The following TFAP2A variants were observed in gnomAD, a reference collection of about 807,000 sequenced individuals.
TFAP2A encodes transcription factor AP-2 alpha.
In TFAP2A, 7 loss-of-function variants were observed where a neutral mutation model predicts 41.5. The ratio of observed to expected loss-of-function variants is 0.17; its 90% CI spans 0.10 to 0.32. The LOEUF (loss-of-function observed/expected upper bound fraction) is 0.32, where lower values mean the gene tolerates loss of function less well. TFAP2A is among the 10% of genes least tolerant of loss of function. The pLI is 1.00. For synonymous variants in TFAP2A, 247 were observed against 242.8 expected (o/e 1.02, Z -0.16); for missense variants, 416 against 563.3 (o/e 0.74, Z 2.65).
intron 5 of TFAP2A, among the ~76,000 whole-genome samples, chr6:10,401,820 G>A (rs1248346395): frequency 6.6e-6 from 1 of 152,162 alleles, no homozygotes; most frequent in African/African-American, 2.4e-5. Flanking sequence ...AGTGGCTTCC[G>A]GTGGCAGTTA....
upstream of TFAP2A, chr6:10,415,087 A>T (rs1000280976): frequency 5.6e-6 from 8 of 1,427,016 alleles, no homozygotes; most frequent in Non-Finnish European, 7.5e-6. Flanking sequence ...CGGTGAGCGC[A>T]GGAGGAGGAG....
At chr6:10,400,378 C>A in intron 6 of TFAP2A, 70 bp downstream of exon 6, 1 of 1,607,370 alleles carries the variant, frequency 6.2e-7, no homozygotes, top group East Asian at 2.2e-5. Flanking sequence ...GAAGGAAGAG[C>A]AAAAACGATT....
chr6:10,398,782 C>A lies in TFAP2A; in HGVS notation c.1032-77G>T. 1.3e-6 allele frequency: 2 copies of A among 1,533,502 alleles called. No homozygotes were observed. The highest frequency in any genetic ancestry group is 1.8e-5 in the Admixed American group (1 of 56,844). 95.0% of individuals were successfully genotyped at this position (1,533,502 alleles called of 1,614,324 possible). On this transcript the variant is annotated intron_variant, in intron 6 of 6. Coordinates refer to ENST00000379613, the MANE Select transcript of TFAP2A (RefSeq NM_001372066.1). The surrounding 1 kb of genome is among the most constrained non-coding windows in gnomAD (Gnocchi z 5.3). Reference sequence around the variant, plus strand: ...CACTAGCAGCAAAGAGAAAACCTCCCTCCCTGCAGCTACCTCTGCCGGGAT... The same window carrying A: ...CACTAGCAGCAAAGAGAAAACCTCCATCCCTGCAGCTACCTCTGCCGGGAT...
chr6:10,405,649 A>C (rs1292292085), intron 3 of TFAP2A: 23 of 152,216 alleles, frequency 1.5e-4, no homozygotes, highest in Non-Finnish European at 2.9e-5. Context: ...GCACCAGTGT[A>C]ATTCAGATGC....
At position 10,398,598 on chromosome 6, in the gene TFAP2A, T is replaced by C; in HGVS notation, c.1139A>G (p.His380Arg). 1 of 1,614,084 alleles carries C rather than the reference T, an allele frequency of 6.2e-7. No individual in the cohort carries two copies. The highest frequency in any genetic ancestry group is 1.1e-5 in the South Asian group (1 of 91,088). ...LEPGIQSCLT[H>R]FNLISHGFGS... ...GAAGCCGTGGGAGATGAGGTTGAAGTGGGTCAAGCAGCTCTGGATGCCGGG... is the reference window on the plus strand; with the variant it reads ...GAAGCCGTGGGAGATGAGGTTGAAGCGGGTCAAGCAGCTCTGGATGCCGGG... Residue 380 changes from histidine to arginine, a missense_variant, in exon 7 of 7, where the codon CAC becomes CGC. Coordinates refer to ENST00000379613, the MANE Select transcript of TFAP2A (RefSeq NM_001372066.1). This position sits in a 1 kb window ranked among gnomAD's most constrained non-coding sequence, Gnocchi z 5.3.
chr6:10,418,621 G>A (rs1479888596), upstream of TFAP2A: 1 of 152,368 alleles, frequency 6.6e-6, no homozygotes, highest in African/African-American at 2.4e-5. Flanking sequence ...CCTTGGCCAG[G>A]GTCGGAATCC....
intron 4 of TFAP2A, among the ~76,000 whole-genome samples, chr6:10,403,917 T>C (rs898890408): frequency 2.0e-5 from 3 of 152,192 alleles, no homozygotes; most frequent in African/African-American, 4.8e-5. Context: ...CATCATCATA[T>C]GCAAACGCCT....
chr6:10,398,269 C>A lies in TFAP2A; in HGVS notation c.*148G>T. ...GGGCAGTCCCGGAGACTCGGGGGGA[C>A]CCAAGGGCAGCGGCGGCGGCGGCGG... On this transcript the variant is annotated 3_prime_UTR_variant, in exon 7 of 7. Coordinates refer to ENST00000379613, the MANE Select transcript of TFAP2A (RefSeq NM_001372066.1). The surrounding 1 kb of genome is among the most constrained non-coding windows in gnomAD (Gnocchi z 5.3). 6.4e-7 allele frequency: 1 copy of A among 1,559,316 alleles called. No homozygotes were observed. The highest frequency in any genetic ancestry group is 1.3e-5 in the African/African-American group (1 of 74,330).
At position 10,398,717 on chromosome 6, in the gene TFAP2A, G is replaced by A; in HGVS notation, c.1032-12C>T. 6.2e-7 allele frequency: 1 copy of A among 1,613,826 alleles called. No homozygotes were observed. The highest frequency in any genetic ancestry group is 8.5e-7 in the Non-Finnish European group (1 of 1,179,870). On this transcript the variant is annotated splice_polypyrimidine_tract_variant and intron_variant, in intron 6 of 6. Transcript: ENST00000379613. This position sits in a 1 kb window ranked among gnomAD's most constrained non-coding sequence, Gnocchi z 5.3. ...CTTTGCATATCTGTCTGCAGCACAA[G>A]TGGAGCAGAGAGAGAGACATAAGGC...
upstream of TFAP2A, among the ~76,000 whole-genome samples, chr6:10,417,772 G>T (rs1437216806): frequency 6.6e-6 from 1 of 152,032 alleles, no homozygotes; most frequent in Admixed American, 6.6e-5. Flanking sequence ...AAATCCGCTC[G>T]CCCCACCCGA....
intron 3 of TFAP2A, chr6:10,404,954 C>T (rs927308898): frequency 3.3e-6 from 2 of 597,744 alleles, no homozygotes; most frequent in African/African-American, 1.9e-5. Context: ...GGCGGCCCTG[C>T]CCTCCCCCAG....
chr6:10,418,539 C>T (rs1215211514), upstream of TFAP2A: 3 of 152,274 alleles, frequency 2.0e-5, no homozygotes, highest in African/African-American at 7.2e-5. Flanking sequence ...CGCCACCATC[C>T]TGGCCAGAGC....
At chr6:10,412,439 A>C (rs1371627361) in intron 1 of TFAP2A, 2 of 148,212 alleles carry the variant, frequency 1.3e-5, no homozygotes, top group African/African-American at 5.4e-5. Context: ...GGAGGGAAGG[A>C]GGGAGAGCCC....
In TFAP2A at chr6:10,398,003, T is replaced by C; in HGVS notation, c.*414A>G. The C allele has an allele frequency of 9.4e-7, 1 of 1,066,916 alleles. No homozygotes were observed. Among genetic ancestry groups the C allele is most frequent in the Non-Finnish European group, 1.1e-6 (1 of 879,792 alleles). 66.1% of individuals were successfully genotyped at this position (1,066,916 alleles called of 1,614,324 possible). ...CAGTCCCATGAAGCGCATATAATTT[T>C]TTTTATTTTCACTTTTTTTTTAGAA... On this transcript the variant is annotated 3_prime_UTR_variant, in exon 7 of 7. Coordinates refer to ENST00000379613, the MANE Select transcript of TFAP2A (RefSeq NM_001372066.1). This position sits in a 1 kb window ranked among gnomAD's most constrained non-coding sequence, Gnocchi z 5.3.
At chr6:10,404,930 C>G (rs917801190) in intron 3 of TFAP2A, 191 bp from the exon 4 acceptor site, 9 of 616,860 alleles carry the variant, frequency 1.5e-5, no homozygotes, top group Non-Finnish European at 2.6e-5. Flanking sequence ...CCCTACCTCA[C>G]CCGGCGGCCG....
chr6:10,411,463 G>T, intron 1 of TFAP2A: 1 of 1,600,818 alleles, frequency 6.2e-7, no homozygotes, highest in African/African-American at 1.3e-5. Flanking sequence ...AGGGTGTCCT[G>T]AAGGAAAGCT....
chr6:10,398,742 C>T lies in TFAP2A; in HGVS notation c.1032-37G>A. The T allele has an allele frequency of 2.5e-6, 4 of 1,611,036 alleles. No homozygotes were observed. Among genetic ancestry groups the T allele is most frequent in the Non-Finnish European group, 3.4e-6 (4 of 1,178,220 alleles). On this transcript the variant is annotated intron_variant, in intron 6 of 6. Coordinates refer to ENST00000379613, the MANE Select transcript of TFAP2A (RefSeq NM_001372066.1). This position sits in a 1 kb window ranked among gnomAD's most constrained non-coding sequence, Gnocchi z 5.3. ...GTGGAGCAGAGAGAGAGACATAAGG[C>T]TCCACTATGGGCAGCACTAGCAGCA... is the stretch of plus-strand genomic sequence containing the variant.
intron 1 of TFAP2A, 154 bp downstream of exon 1, chr6:10,414,787 G>T (rs1758172944): frequency 4.0e-6 from 4 of 1,000,420 alleles, no homozygotes; most frequent in South Asian, 4.0e-5. Context: ...CTTCTCCCCC[G>T]CGTTCTTCGG....
intron 1 of TFAP2A, chr6:10,411,750 C>T (rs2113212423): frequency 6.7e-7 from 1 of 1,491,156 alleles, no homozygotes; most frequent in South Asian, 1.3e-5. Flanking sequence ...CTCCCCGGAG[C>T]GCGGGAGCCC....
Sources: gnomAD v4.1 joint callset for allele counts (sites outside exome capture counted in the v4.1 genomes callset) on GRCh38, gnomAD v4.1.1 for gene constraint, Gnocchi (gnomAD v3.1) non-coding constraint, MANE v1.5 for transcripts, NCBI Gene and HGNC (gene_info 2026-07-23, HGNC 2026-07-21) for gene names.